Variants in MIER1 observed in about 807,000 individuals in gnomAD.
MIER1 encodes mesoderm induction early response protein 1.
Under a neutral mutation model 75.7 loss-of-function variants are expected in MIER1, and 40 were observed. That is an observed-to-expected ratio of 0.53 (90% CI 0.41 to 0.69). MIER1 has a LOEUF of 0.69. Ranked by LOEUF, MIER1 falls within the 30% of genes least tolerant of loss-of-function variation. The pLI, the probability that MIER1 is intolerant of heterozygous loss-of-function variation, is 0.00. For missense variants in MIER1, 574 were observed against 680.2 expected (o/e 0.84, Z 1.74); for synonymous variants, 213 against 223.4 (o/e 0.95, Z 0.42).
At chr1:66,944,772 C>A (rs1193559284) in intron 3 of MIER1, among the ~76,000 whole-genome samples, 1 of 151,990 alleles carries the variant, frequency 6.6e-6, no homozygotes, top group African/African-American at 2.4e-5. Context: ...GTCTCCCAGG[C>A]TGGAATGCAG....
intron 13 of MIER1, 65 bp from the exon 14 acceptor site, chr1:66,984,507 T>C (rs1666504551): frequency 3.5e-6 from 4 of 1,156,948 alleles, no homozygotes; most frequent in Non-Finnish European, 4.9e-6. Context: ...ACAAGCTGTT[T>C]TATAATAGTT....
intron 12 of MIER1, among the ~76,000 whole-genome samples, chr1:66,976,961 ATAT>A (rs1033453570): frequency 3.9e-5 from 6 of 152,368 alleles, no homozygotes; most frequent in African/African-American, 1.4e-4. Flanking sequence ...ACTACAGTTC[ATAT>A]TATGTATGAG....
At chr1:66,959,567 C>A (rs139496009) in intron 6 of MIER1, 112 bp from the exon 7 acceptor site, 48 of 551,838 alleles carry the variant, frequency 8.7e-5, no homozygotes, top group Non-Finnish European at 1.4e-4. Flanking sequence ...TGGCTTAATT[C>A]ATTAGATATC....
At chr1:66,953,108 G>A (rs937985192) in intron 4 of MIER1, among the ~76,000 whole-genome samples, 1 of 152,170 alleles carries the variant, frequency 6.6e-6, no homozygotes, top group Non-Finnish European at 1.5e-5. Context: ...CAAATCTACG[G>A]CCAGGGAATA....
At chr1:66,957,586 T>TG (rs1361721560) in intron 4 of MIER1, among the ~76,000 whole-genome samples, 5 of 144,978 alleles carry the variant, frequency 3.4e-5, no homozygotes, top group East Asian at 2.1e-4. Flanking sequence ...GGTTTGTTTG[T>TG]GTTTTTTTTT....
chr1:66,970,107 G>T (rs1285985577), intron 8 of MIER1, among the ~76,000 whole-genome samples: 1 of 152,068 alleles, frequency 6.6e-6, no homozygotes, highest in Non-Finnish European at 1.5e-5. Context: ...AATTCCACAG[G>T]CTTTGTCTTA....
intron 3 of MIER1, among the ~76,000 whole-genome samples, chr1:66,944,610 T>C (rs1439106385): frequency 1.3e-5 from 2 of 152,054 alleles, no homozygotes; most frequent in African/African-American, 2.4e-5. Flanking sequence ...ATGCCTTTGA[T>C]AGGAGTTCTC....
rs1325395107 is a variant in MIER1 at position 66,971,638 on chromosome 1, GC to G, written c.925-15del. 2 of 1,272,746 alleles carry G rather than the reference GC, an allele frequency of 1.6e-6. No homozygotes were observed. Among genetic ancestry groups the G allele is most frequent in the Non-Finnish European group, 2.3e-6 (2 of 887,982 alleles). The allele number at this position is 1,272,746 out of a possible 1,614,324, so 78.8% of individuals were successfully genotyped here. On this transcript the variant is annotated splice_polypyrimidine_tract_variant and intron_variant, in intron 9 of 13. Transcript: ENST00000401041. ...TTTATAGTCCTTGTCACATATTCAA[GC>G]CTTTTATTTTTCTAGGCTTTATATG...
At chr1:66,979,381 C>T (rs999504370) in intron 12 of MIER1, among the ~76,000 whole-genome samples, 1 of 152,170 alleles carries the variant, frequency 6.6e-6, no homozygotes, top group Non-Finnish European at 1.5e-5. Context: ...AGCACATTAT[C>T]CTGAAAGTCA....
chr1:66,964,548 G>A (rs1199993879), intron 8 of MIER1, among the ~76,000 whole-genome samples: 2 of 150,952 alleles, frequency 1.3e-5, no homozygotes, highest in African/African-American at 4.9e-5. Flanking sequence ...CGCCTCTCAG[G>A]TTCAAGCAGT....
chr1:66,925,559 G>T lies in MIER1; in HGVS notation c.67+464G>T. The T allele has an allele frequency of 5.1e-6, 5 of 985,362 alleles. No individual in the cohort carries two copies. In the South Asian group the frequency reaches 1.9e-4, roughly 37 times the overall value. 61.0% of individuals were successfully genotyped at this position (985,362 alleles called of 1,614,324 possible). On this transcript the variant is annotated intron_variant, in intron 1 of 13. Transcript: ENST00000401041. ...GGTGAGCAGCGCCCTGGGCCAACTT[G>T]CCCTTTTCGGATGGAGTCAGGGAGG...
intron 2 of MIER1, among the ~76,000 whole-genome samples, chr1:66,928,159 T>C (rs898841829): frequency 6.6e-6 from 1 of 152,018 alleles, no homozygotes; most frequent in African/African-American, 2.4e-5. Flanking sequence ...AGAGTTTTTT[T>C]CCCTCAATAA....
chr1:66,972,899 G>A lies in MIER1; in HGVS notation c.1009G>A (p.Glu337Lys). ...LRFNVKAARE[E>K]LSVWTEEECR... ...GTTTGTTCCTCCCATCTTGTCAGAG[G>A]AATTATCTGTTTGGACAGAGGAAGA... Residue 337 changes from glutamate (E) to lysine (K), a missense_variant and splice_region_variant, in exon 11 of 14, where the codon GAA becomes AAA. Glu to Lys is a moderately conservative substitution (Grantham distance 56). Coordinates refer to ENST00000401041, the MANE Select transcript of MIER1 (RefSeq NM_001077700.3). 1 of 1,557,186 alleles carries A rather than the reference G, an allele frequency of 6.4e-7. No individual in the cohort carries two copies. Among genetic ancestry groups the A allele is most frequent in the Non-Finnish European group, 8.8e-7 (1 of 1,130,766 alleles).
chr1:66,987,774 T>TAC lies in MIER1; in HGVS notation c.*2878_*2879dup, dbSNP rs1024915529. 2 of 152,214 alleles carry TAC rather than the reference T, an allele frequency of 1.3e-5. No individual in the cohort carries two copies. The highest frequency in any genetic ancestry group is 6.6e-5 in the Admixed American group (1 of 15,246). The allele number at this position is 152,214 out of a possible 1,614,324, so 9.4% of individuals were successfully genotyped here. On this transcript the variant is annotated 3_prime_UTR_variant, in exon 14 of 14. Transcript: ENST00000401041. ...TATTGACAAGGCAAATATATATATA[T>TAC]ACACAGTCTGTTTCTTCTATTCCTA...
chr1:66,965,817 G>A (rs558294299), intron 8 of MIER1, among the ~76,000 whole-genome samples: 7 of 152,028 alleles, frequency 4.6e-5, no homozygotes, highest in Admixed American at 6.6e-5. Context: ...TTCCCGGACT[G>A]ACCTTCCCAG....
At chr1:66,961,899 T>G (rs944628309) in intron 7 of MIER1, among the ~76,000 whole-genome samples, 1 of 152,248 alleles carries the variant, frequency 6.6e-6, no homozygotes, top group Non-Finnish European at 1.5e-5. Flanking sequence ...GTTTTTCTTA[T>G]GGGTATAGAA....
intron 8 of MIER1, among the ~76,000 whole-genome samples, chr1:66,964,574 T>A (rs1318390283): frequency 6.6e-6 from 1 of 151,110 alleles, no homozygotes; most frequent in African/African-American, 2.4e-5. Flanking sequence ...TGCCTCAGCC[T>A]CCCAAGTAGC....
intron 2 of MIER1, chr1:66,930,374 C>T: frequency 1.2e-5 from 19 of 1,607,694 alleles, no homozygotes; most frequent in Non-Finnish European, 1.5e-5. Flanking sequence ...GGAGATGTGA[C>T]CCGGCAGTAC....
At chr1:66,936,903 G>T (rs1654989446) in intron 2 of MIER1, among the ~76,000 whole-genome samples, 1 of 150,718 alleles carries the variant, frequency 6.6e-6, no homozygotes, top group African/African-American at 2.4e-5. Context: ...GGAGGCTGAG[G>T]CAGGGGAATT....
Sources: gnomAD v4.1 joint callset for allele counts (sites outside exome capture counted in the v4.1 genomes callset) on GRCh38, gnomAD v4.1.1 for gene constraint, MANE v1.5 for transcripts, NCBI Gene and HGNC (gene_info 2026-07-23, HGNC 2026-07-21) for gene names.